The following TMEM45B variants were observed in gnomAD, a reference collection of about 807,000 sequenced individuals.
TMEM45B encodes transmembrane protein 45B.
In TMEM45B, 29 loss-of-function variants were observed where a neutral mutation model predicts 27.3. The observed-to-expected ratio is 1.06, with a 90% CI of 0.79 to 1.45. The LOEUF is 1.45. TMEM45B is among the 40% of genes most tolerant of loss of function. The pLI is 0.00. For missense variants in TMEM45B, 348 were observed against 343.9 expected (o/e 1.01, Z -0.09); for synonymous variants, 143 against 134.7 (o/e 1.06, Z -0.43).
At chr11:129,842,255 T>C (rs1470127635) in intron 1 of TMEM45B, among the ~76,000 whole-genome samples, 1 of 152,186 alleles carries the variant, frequency 6.6e-6, no homozygotes, top group Non-Finnish European at 1.5e-5. Flanking sequence ...AAGTAATAGC[T>C]GAAAGCTTCC....
chr11:129,817,708 T>C (rs1179018935), intron 1 of TMEM45B, among the ~76,000 whole-genome samples: 1 of 152,226 alleles, frequency 6.6e-6, no homozygotes, highest in Non-Finnish European at 1.5e-5. Context: ...GTTGTGATGG[T>C]CGAGGTAATT....
At chr11:129,841,582 T>TTG (rs1947693298) in intron 1 of TMEM45B, among the ~76,000 whole-genome samples, 1 of 135,814 alleles carries the variant, frequency 7.4e-6, no homozygotes, top group African/African-American at 2.6e-5. Flanking sequence ...AAGTTTTCTT[T>TTG]TGTTTTTTTG....
chr11:129,855,653 C>T (rs1947911344), intron 3 of TMEM45B, 55 bp from the exon 4 acceptor site: 10 of 1,596,620 alleles, frequency 6.3e-6, no homozygotes, highest in East Asian at 2.2e-5. Context: ...GAGGAAACTT[C>T]GGTGATGGTG....
Position 129,855,699 on chromosome 11 carries a change from T to C in TMEM45B, c.386-9T>C. On this transcript the variant is annotated splice_polypyrimidine_tract_variant and intron_variant, in intron 3 of 5. Transcript: ENST00000281441. The stretch of plus-strand genomic sequence containing the variant: ...GTAGCCCTGACAGCTGCCATCTGGT[T>C]TGTGGCAGGTTTCCTCTTCTACTAC... 2 of 1,613,830 alleles carry C rather than the reference T, an allele frequency of 1.2e-6. No homozygotes were observed. Among genetic ancestry groups the C allele is most frequent in the East Asian group, 4.5e-5 (2 of 44,868 alleles).
Position 129,826,567 on chromosome 11 carries a change from A to AAAAAAAAAT in TMEM45B, c.-9+10670_-9+10671insAAAAAAATA, listed in dbSNP as rs1199881268. Among the ~76,000 whole-genome samples the AAAAAAAAAT allele has an allele frequency of 5.2e-5, 5 of 96,126 alleles. 2 individuals are homozygous for AAAAAAAAAT. The highest frequency in any genetic ancestry group is 6.8e-4 in the East Asian group (2 of 2,930). The allele number at this position is 96,126 out of a possible 152,430, so 63.1% of individuals were successfully genotyped here. A position where few individuals can be genotyped will look rare whatever the true frequency, so the allele number is the denominator to read the frequency against. On this transcript the variant is annotated intron_variant, in intron 1 of 5. Coordinates refer to ENST00000281441, the MANE Select transcript of TMEM45B (RefSeq NM_138788.5). ...CTGTCACAAAAAAAAAAAAAAAAAA[A>AAAAAAAAAT]AGGACCCTGAGAGGCTATGTGTCTT... is the stretch of plus-strand genomic sequence containing the variant.
chr11:129,844,996 C>G (rs923345011), intron 1 of TMEM45B, among the ~76,000 whole-genome samples: 1 of 151,890 alleles, frequency 6.6e-6, no homozygotes, highest in Non-Finnish European at 1.5e-5. Flanking sequence ...AAATGAAGAA[C>G]GCTGGAAATG....
rs756912301 is a variant in TMEM45B, at chr11:129,855,847, T to G, written c.525T>G (p.Leu175=). The G allele has an allele frequency of 1.2e-6, 2 of 1,614,164 alleles. No individual in the cohort carries two copies. The highest frequency in any genetic ancestry group is 1.7e-6 in the Non-Finnish European group (2 of 1,180,020). ...VIFRDHIVLE[L]FRTSLIILQG... ...TCCGGGACCACATTGTGCTGGAACT[T>G]TTCCGAACCAGTCTCATCATTCTTC... The change falls in exon 4 of 6, where the codon CTT becomes CTG. Residue 175 remains leucine, a synonymous_variant. Transcript: ENST00000281441.
intron 1 of TMEM45B, among the ~76,000 whole-genome samples, chr11:129,847,611 A>G (rs1287224831): frequency 3.3e-5 from 5 of 151,408 alleles, no homozygotes; most frequent in Non-Finnish European, 1.5e-5. Flanking sequence ...GCTGCCTTCA[A>G]GCATCTGTTT....
chr11:129,821,342 T>C (rs185180881), intron 1 of TMEM45B, among the ~76,000 whole-genome samples: 152 of 152,196 alleles, frequency 1.0e-3, no homozygotes, highest in African/African-American at 3.4e-3. Context: ...TTGGGGTAAA[T>C]TTTCCAAGCA....
At chr11:129,850,935 A>G (rs180931923) in intron 1 of TMEM45B, among the ~76,000 whole-genome samples, 2 of 152,258 alleles carry the variant, frequency 1.3e-5, no homozygotes, top group African/African-American at 2.4e-5. Context: ...ACATTTTTAC[A>G]TATTTGTTAT....
chr11:129,858,604 G>GGGA lies in TMEM45B; in HGVS notation c.749_751dup (p.Gly250dup). 1 of 1,588,622 alleles carries GGGA rather than the reference G, an allele frequency of 6.3e-7. No homozygotes were observed. Among genetic ancestry groups the GGGA allele is most frequent in the Non-Finnish European group, 8.6e-7 (1 of 1,166,570 alleles). On this transcript the variant is annotated inframe_insertion, in exon 6 of 6. Coordinates refer to ENST00000281441, the MANE Select transcript of TMEM45B (RefSeq NM_138788.5). ...TGACTCGGATGAAGAGACACGGAAG[G>GGGA]GGAGAAATCATTGGAATTCAGAAGC...
intron 1 of TMEM45B, among the ~76,000 whole-genome samples, chr11:129,834,534 G>T (rs1313612228): frequency 6.6e-6 from 1 of 152,056 alleles, no homozygotes; most frequent in Admixed American, 6.5e-5. Flanking sequence ...CTATCAGCTG[G>T]GCACCATGGC....
chr11:129,845,302 C>G, intron 1 of TMEM45B, among the ~76,000 whole-genome samples: 1 of 116,300 alleles, frequency 8.6e-6, no homozygotes, highest in Non-Finnish European at 1.8e-5. Flanking sequence ...TGTGTGTATG[C>G]ATGAAGGAAG....
intron 1 of TMEM45B, among the ~76,000 whole-genome samples, chr11:129,835,222 C>A (rs912448829): frequency 1.3e-5 from 2 of 152,188 alleles, no homozygotes; most frequent in Admixed American, 6.5e-5. Context: ...ATCCATTCTA[C>A]AAAAAGTGTG....
intron 2 of TMEM45B, 57 bp from the exon 3 acceptor site, chr11:129,854,553 C>T: frequency 6.4e-7 from 1 of 1,564,372 alleles, no homozygotes; most frequent in Admixed American, 1.8e-5. Flanking sequence ...ATTCCTTGCT[C>T]CTATTTGTCT....
chr11:129,824,734 A>G lies in TMEM45B; in HGVS notation c.-9+8836A>G, dbSNP rs1947458610. Among the ~76,000 whole-genome samples, 4 of 152,364 alleles carry G rather than the reference A, an allele frequency of 2.6e-5. No homozygotes were observed. The South Asian group carries it at 8.3e-4, about 32-fold the overall frequency. ...GATTCTGTAGACTAATGGGCAAGAC[A>G]TATGTCACTATATAATTTTAATATA... is the stretch of plus-strand genomic sequence containing the variant. On this transcript the variant is annotated intron_variant, in intron 1 of 5. Coordinates refer to ENST00000281441, the MANE Select transcript of TMEM45B (RefSeq NM_138788.5).
At chr11:129,844,715 T>C (rs1182100843) in intron 1 of TMEM45B, among the ~76,000 whole-genome samples, 5 of 152,104 alleles carry the variant, frequency 3.3e-5, no homozygotes, top group Non-Finnish European at 5.9e-5. Context: ...TAATAAACCT[T>C]ATATTTGACA....
At chr11:129,818,353 A>G (rs1394569831) in intron 1 of TMEM45B, among the ~76,000 whole-genome samples, 1 of 152,222 alleles carries the variant, frequency 6.6e-6, no homozygotes, top group African/African-American at 2.4e-5. Context: ...AGCAAGGTAC[A>G]CACCCGCATT....
intron 1 of TMEM45B, among the ~76,000 whole-genome samples, chr11:129,839,729 C>G (rs1424666525): frequency 5.3e-5 from 8 of 152,200 alleles, no homozygotes. Flanking sequence ...AGAGACGGGT[C>G]TCACTCTGTT....
Sources: allele counts gnomAD v4.1 joint callset (sites outside exome capture counted in the v4.1 genomes callset), GRCh38; gene constraint gnomAD v4.1.1; transcripts MANE v1.5; gene names NCBI Gene and HGNC (gene_info 2026-07-23, HGNC 2026-07-21).